Variants in SCN2A observed in about 807,000 individuals in gnomAD.
SCN2A encodes the protein sodium channel protein type 2 subunit alpha.
SCN2A carries 20 observed loss-of-function variants against 188.7 expected under a neutral mutation model. That is an observed-to-expected ratio of 0.11 (90% CI 0.07 to 0.15). The LOEUF is 0.15. Among genes scored for constraint, SCN2A ranks in the 10% least tolerant of loss-of-function variants. SCN2A has a pLI of 1.00. For synonymous variants in SCN2A, 804 were observed against 833.1 expected, an observed-to-expected ratio of 0.97 and a Z score of 0.60; for missense variants, 1,278 against 2,445.0, an observed-to-expected ratio of 0.52 and a Z score of 10.07.
At chr2:165,293,945 C>A in intron 1 of SCN2A, 1 of 967,108 alleles carries the variant, frequency 1.0e-6, no homozygotes, top group Non-Finnish European at 1.2e-6. Context: ...ACAGGAAATG[C>A]CTCTTCTTAC....
chr2:165,389,225 C>G lies in SCN2A; in HGVS notation c.5419C>G (p.Pro1807Ala). 1 of 1,613,988 alleles carries G rather than the reference C, an allele frequency of 6.2e-7. No individual in the cohort carries two copies. Among genetic ancestry groups the G allele is most frequent in the South Asian group, 1.1e-5 (1 of 91,072 alleles). Residue 1807 changes from proline to alanine, a missense_variant, in exon 27 of 27, where the codon CCC (proline) becomes GCC (alanine). By Grantham distance (27) the Pro-to-Ala change is conservative (BLOSUM62 -1). Transcript: ENST00000375437. The surrounding 1 kb of genome is among the most constrained non-coding windows in gnomAD (Gnocchi z 4.2). ...MFYEVWEKFD[P>A]DATQFIEFAK... ...CTATGAGGTTTGGGAGAAGTTTGAT[C>G]CCGATGCGACCCAGTTTATAGAGTT... is the stretch of plus-strand genomic sequence containing the variant.
chr2:165,254,356 A>G (rs1694227408), intron 1 of SCN2A, among the ~76,000 whole-genome samples: 1 of 151,740 alleles, frequency 6.6e-6, no homozygotes, highest in Non-Finnish European at 1.5e-5. Flanking sequence ...AGAAGTTTAT[A>G]ACTGTATTCA....
chr2:165,351,984 C>G (rs540698649), intron 16 of SCN2A, among the ~76,000 whole-genome samples: 1 of 151,290 alleles, frequency 6.6e-6, no homozygotes, highest in East Asian at 2.0e-4. Flanking sequence ...CAGTAAATGA[C>G]ATTTGTAAAT....
intron 16 of SCN2A, among the ~76,000 whole-genome samples, chr2:165,346,672 C>T (rs190511788): frequency 0.013 from 2,052 of 152,210 alleles, 38 homozygotes; most frequent in East Asian, 0.047. Context: ...AACAGGCAAC[C>T]TACAGAATGG....
At chr2:165,316,274 T>G (rs974009387) in intron 11 of SCN2A, among the ~76,000 whole-genome samples, 5 of 152,120 alleles carry the variant, frequency 3.3e-5, no homozygotes, top group African/African-American at 1.2e-4. Context: ...GATAGGCAGG[T>G]ACTGAGGGAG....
At chr2:165,268,280 A>T (rs1308955311) in intron 1 of SCN2A, 1 of 152,012 alleles carries the variant, frequency 6.6e-6, no homozygotes, top group Non-Finnish European at 1.5e-5. Context: ...AGATGCAAAA[A>T]TTCTCAACAA....
At chr2:165,292,479 C>T (rs1408654449) in intron 1 of SCN2A, among the ~76,000 whole-genome samples, 1 of 152,124 alleles carries the variant, frequency 6.6e-6, no homozygotes, top group Admixed American at 6.5e-5. Flanking sequence ...TTGCTTCCCC[C>T]ACCCTATACC....
chr2:165,308,228 T>C (rs564685002), intron 4 of SCN2A, among the ~76,000 whole-genome samples: 1 of 152,268 alleles, frequency 6.6e-6, no homozygotes, highest in South Asian at 2.1e-4. Flanking sequence ...TATCTACTGA[T>C]AAAAAGTATA....
At position 165,311,780 on chromosome 2, in the gene SCN2A, TATC is replaced by T. The variant is rs3214604; in HGVS notation, c.971-242_971-240del. On this transcript the variant is annotated intron_variant, in intron 7 of 26. Transcript: ENST00000375437. ...GCAATGAATGCTGATATAAGAATGT[TATC>T]ATAGTAATTCCTTCTGAACATTTTT... Among the ~76,000 whole-genome samples the T allele has an allele frequency of 5.8e-3, 884 of 152,260 alleles. 20 individuals carry two copies. The East Asian group carries it at 0.09, about 15-fold the overall frequency.
chr2:165,307,333 C>T (rs1020559251), intron 3 of SCN2A, among the ~76,000 whole-genome samples: 1 of 152,134 alleles, frequency 6.6e-6, no homozygotes, highest in African/African-American at 2.4e-5. Flanking sequence ...GTGCTAACAC[C>T]TGCCATCTTC....
At chr2:165,308,053 C>T (rs1257336693) in intron 4 of SCN2A, 116 bp downstream of exon 4, 1 of 784,740 alleles carries the variant, frequency 1.3e-6, no homozygotes, top group Non-Finnish European at 2.3e-6. Flanking sequence ...TTAACCAGAC[C>T]CTGATTCAAA....
intron 1 of SCN2A, among the ~76,000 whole-genome samples, chr2:165,279,265 T>A (rs930223405): frequency 3.9e-5 from 6 of 152,164 alleles, no homozygotes; most frequent in Non-Finnish European, 7.3e-5. Context: ...TTAGACCAAA[T>A]GGTATTTGAG....
chr2:165,331,711 C>A, intron 14 of SCN2A, 143 bp downstream of exon 14: 10 of 721,062 alleles, frequency 1.4e-5, no homozygotes, highest in Admixed American at 6.7e-5. Context: ...TTTTAAATAA[C>A]AAAAAAATGT....
chr2:165,304,965 G>A (rs189441777), intron 3 of SCN2A, among the ~76,000 whole-genome samples: 5 of 152,260 alleles, frequency 3.3e-5, no homozygotes, highest in Admixed American at 2.6e-4. Context: ...GGATTAAATG[G>A]AGCCAAACAT....
chr2:165,250,200 A>G (rs1037576827), intron 1 of SCN2A, among the ~76,000 whole-genome samples: 3 of 152,002 alleles, frequency 2.0e-5, no homozygotes, highest in Non-Finnish European at 2.9e-5. Context: ...ACTGCCCTCC[A>G]TAGGAGGTAA....
chr2:165,327,238 T>C, intron 13 of SCN2A: 2 of 445,442 alleles, frequency 4.5e-6, no homozygotes, highest in South Asian at 4.2e-5. Flanking sequence ...CATTAAATTC[T>C]AAACATTGAA....
chr2:165,265,578 A>G (rs1694821342), intron 1 of SCN2A, among the ~76,000 whole-genome samples: 1 of 140,450 alleles, frequency 7.1e-6, no homozygotes, highest in South Asian at 2.3e-4. Flanking sequence ...CCTTAACTCA[A>G]AAAAATATTG....
rs536123438 is a variant in SCN2A at position 165,323,062 on chromosome 2, A to G, written c.1672-94A>G. The G allele has an allele frequency of 1.4e-5, 17 of 1,182,904 alleles. No individual in the cohort carries two copies. The African/African-American group carries it at 2.1e-4, about 15-fold the overall frequency. The allele number at this position is 1,182,904 out of a possible 1,614,324, so 73.3% of individuals were successfully genotyped here. ...CAATGACTTATCCTTGAGTAAGTCA[A>G]TGACTATGACACAATGAATCAAATT... On this transcript the variant is annotated intron_variant, in intron 11 of 26. Coordinates refer to ENST00000375437, the MANE Select transcript of SCN2A (RefSeq NM_001040142.2).
At chr2:165,329,465 G>A (rs779819445) in intron 13 of SCN2A, among the ~76,000 whole-genome samples, 2 of 152,134 alleles carry the variant, frequency 1.3e-5, no homozygotes, top group Non-Finnish European at 2.9e-5. Context: ...TTGTTTTAAA[G>A]TGTGAGATTC....
Sources: gnomAD v4.1 joint callset for allele counts (sites outside exome capture counted in the v4.1 genomes callset) on GRCh38, gnomAD v4.1.1 for gene constraint, Gnocchi (gnomAD v3.1) non-coding constraint, MANE v1.5 for transcripts, NCBI Gene and HGNC (gene_info 2026-07-23, HGNC 2026-07-21) for gene names.